Variants in ZC3H12B observed in about 807,000 individuals in gnomAD.
ZC3H12B encodes the protein probable ribonuclease ZC3H12B.
In ZC3H12B, 7 loss-of-function variants were observed where a neutral mutation model predicts 43.9. The observed-to-expected ratio is 0.16, with a 90% CI of 0.09 to 0.30. The LOEUF is 0.30. Ranked by LOEUF, ZC3H12B falls within the 10% of genes least tolerant of loss-of-function variation. The pLI is 1.00. For synonymous variants in ZC3H12B, 222 were observed against 241.7 expected, an observed-to-expected ratio of 0.92 and a Z score of 0.76; for missense variants, 475 against 670.2, an observed-to-expected ratio of 0.71 and a Z score of 3.22.
the ZC3H12B span, among the ~76,000 whole-genome samples, chrX:65,090,277 A>G: frequency 9.0e-6 from 1 of 111,303 alleles, no homozygotes. Flanking sequence ...TTATTGGACC[A>G]CCTTTGTGTA....
At chrX:65,119,772 G>T in the ZC3H12B span, among the ~76,000 whole-genome samples, 1 of 111,677 alleles carries the variant, frequency 9.0e-6, no homozygotes, top group East Asian at 2.8e-4. Context: ...GGATTTTTAT[G>T]GTTTTAGGTC....
At chrX:65,271,250 C>G in the ZC3H12B span, 1 of 112,070 alleles carries the variant, frequency 8.9e-6, no homozygotes, top group Non-Finnish European at 1.9e-5. Context: ...GAAAAGAATT[C>G]ATCTAGCCAT....
chrX:65,496,262 T>C (rs1471508787), intron 1 of ZC3H12B, among the ~76,000 whole-genome samples: 7 of 112,230 alleles, frequency 6.2e-5, no homozygotes, highest in South Asian at 3.7e-4. Flanking sequence ...TGGTGCATTG[T>C]ATTAAATGCA....
At chrX:65,505,073 T>C (rs2068412243) in exon 5 of ZC3H12B, 1 of 112,356 alleles carries the variant, frequency 8.9e-6, no homozygotes, top group South Asian at 3.7e-4. Flanking sequence ...TAAATGCCTC[T>C]AGAAGAGGTG....
At chrX:65,104,964 T>C in the ZC3H12B span, among the ~76,000 whole-genome samples, 39 of 111,860 alleles carry the variant, frequency 3.5e-4, no homozygotes, top group East Asian at 7.9e-3. Context: ...CGTATATTTA[T>C]TGTAGCACTT....
At chrX:65,318,221 G>T in the ZC3H12B span, among the ~76,000 whole-genome samples, 2 of 105,817 alleles carry the variant, frequency 1.9e-5, no homozygotes, top group Non-Finnish European at 3.9e-5. Context: ...GGCCATTCTT[G>T]CAGGAGTAAT....
chrX:65,168,306 A>T, the ZC3H12B span, among the ~76,000 whole-genome samples: 1 of 111,339 alleles, frequency 9.0e-6, no homozygotes, highest in African/African-American at 3.3e-5. Context: ...TATGGTTTTT[A>T]TCTTTGGTTC....
chrX:65,127,141 G>A, the ZC3H12B span, among the ~76,000 whole-genome samples: 1 of 111,240 alleles, frequency 9.0e-6, no homozygotes, highest in Non-Finnish European at 1.9e-5. Flanking sequence ...ATGTCAGAGG[G>A]AAGATCTGGG....
At chrX:65,460,651 G>A (rs1370178724) in intron 3 of ZC3H12B, among the ~76,000 whole-genome samples, 2 of 111,917 alleles carry the variant, frequency 1.8e-5, no homozygotes, top group East Asian at 2.8e-4. Context: ...AAACTGGCTA[G>A]CCATATGTAG....
the ZC3H12B span, among the ~76,000 whole-genome samples, chrX:65,099,553 C>A: frequency 9.0e-6 from 1 of 111,699 alleles, no homozygotes; most frequent in African/African-American, 3.3e-5. Flanking sequence ...CTTTGCTGTT[C>A]TGTAGCCTCT....
At chrX:65,457,633 G>T (rs1252423140) in intron 3 of ZC3H12B, among the ~76,000 whole-genome samples, 4 of 78,815 alleles carry the variant, frequency 5.1e-5, no homozygotes, top group Non-Finnish European at 4.1e-5. Context: ...AGGCGGGAAG[G>T]GTGGGGAAGA....
intron 3 of ZC3H12B, among the ~76,000 whole-genome samples, chrX:65,463,076 T>C (rs1004270859): frequency 8.9e-6 from 1 of 111,770 alleles, no homozygotes. Context: ...TGAGTACTCA[T>C]GGACATAAAG....
the ZC3H12B span, among the ~76,000 whole-genome samples, chrX:65,244,271 T>TA: frequency 6.3e-4 from 70 of 110,300 alleles, no homozygotes; most frequent in African/African-American, 2.0e-3. Flanking sequence ...CCATAACAGT[T>TA]AAAAAAAATT....
At chrX:65,078,840 A>G in the ZC3H12B span, among the ~76,000 whole-genome samples, 1 of 112,233 alleles carries the variant, frequency 8.9e-6, no homozygotes, top group Non-Finnish European at 1.9e-5. Context: ...TAGGTCATCC[A>G]TACCCTCAAG....
the ZC3H12B span, among the ~76,000 whole-genome samples, chrX:65,134,068 G>T: frequency 9.0e-6 from 1 of 110,871 alleles, no homozygotes; most frequent in Non-Finnish European, 1.9e-5. Context: ...TAGGTCAGGC[G>T]AGAGTTGAAG....
the ZC3H12B span, among the ~76,000 whole-genome samples, chrX:65,159,575 G>C: frequency 1.8e-5 from 2 of 111,725 alleles, no homozygotes; most frequent in African/African-American, 3.3e-5. Flanking sequence ...TCTGTTATTG[G>C]TGTGTAAGAA....
At chrX:65,321,366 A>G in the ZC3H12B span, among the ~76,000 whole-genome samples, 2 of 112,172 alleles carry the variant, frequency 1.8e-5, no homozygotes, top group Admixed American at 9.5e-5. Context: ...GTCTCACACC[A>G]GTCAGACTGG....
chrX:65,225,405 T>TA, the ZC3H12B span, among the ~76,000 whole-genome samples: 8 of 111,623 alleles, frequency 7.2e-5, no homozygotes, highest in East Asian at 2.0e-3. Flanking sequence ...CAACAGTAGA[T>TA]AAAACCACAA....
chrX:65,263,851 A>T, the ZC3H12B span, among the ~76,000 whole-genome samples: 1 of 111,346 alleles, frequency 9.0e-6, no homozygotes, highest in Non-Finnish European at 1.9e-5. Context: ...TCAAAAGGAC[A>T]CCTGCACACA....
Sources: allele counts gnomAD v4.1 joint callset (sites outside exome capture counted in the v4.1 genomes callset), GRCh38; gene constraint gnomAD v4.1.1; transcripts MANE v1.5; gene names NCBI Gene and HGNC (gene_info 2026-07-23, HGNC 2026-07-21).